The following CACNA2D3 variants were observed in gnomAD, a reference collection of about 807,000 sequenced individuals.
CACNA2D3 encodes calcium voltage-gated channel auxiliary subunit alpha2delta 3.
A neutral mutation model predicts 160.6 loss-of-function variants in CACNA2D3; 60 were observed. The ratio of observed to expected loss-of-function variants is 0.37; its 90% confidence interval spans 0.30 to 0.46. The LOEUF (loss-of-function observed/expected upper bound fraction) is 0.46. Among genes scored for constraint, CACNA2D3 ranks in the 20% least tolerant of loss-of-function variants. The pLI is 1.00. For missense variants in CACNA2D3, 1,205 were observed against 1,365.0 expected (o/e 0.88, Z 1.85); for synonymous variants, 558 against 492.9 (o/e 1.13, Z -1.75).
At chr3:54,784,210 AG>A (rs1235958042) in intron 13 of CACNA2D3, among the ~76,000 whole-genome samples, 5 of 152,232 alleles carry the variant, frequency 3.3e-5, no homozygotes. Flanking sequence ...AAGGCAGGCC[AG>A]GGCAGAGAGG....
chr3:54,249,947 A>G (rs192640667), intron 2 of CACNA2D3, among the ~76,000 whole-genome samples: 1 of 152,232 alleles, frequency 6.6e-6, no homozygotes, highest in African/African-American at 2.4e-5. Context: ...TGGGTGGTGG[A>G]GCACCCAAGA....
chr3:54,828,337 G>A (rs1703788730), intron 14 of CACNA2D3, among the ~76,000 whole-genome samples: 1 of 152,136 alleles, frequency 6.6e-6, no homozygotes. Flanking sequence ...TTAGTCCTGG[G>A]CATTCTTGAA....
chr3:54,686,674 G>T (rs1166872974), intron 11 of CACNA2D3, among the ~76,000 whole-genome samples: 1 of 152,154 alleles, frequency 6.6e-6, no homozygotes, highest in African/African-American at 2.4e-5. Flanking sequence ...GCACAGCTTA[G>T]CAACACTATT....
chr3:55,043,059 C>T (rs1270277267), intron 35 of CACNA2D3, among the ~76,000 whole-genome samples: 1 of 152,112 alleles, frequency 6.6e-6, no homozygotes, highest in Non-Finnish European at 1.5e-5. Context: ...ATAAAACCAC[C>T]ATAAACATTC....
chr3:54,712,055 C>G (rs188880231), intron 11 of CACNA2D3, among the ~76,000 whole-genome samples: 2 of 152,258 alleles, frequency 1.3e-5, no homozygotes, highest in Non-Finnish European at 2.9e-5. Flanking sequence ...CTCTAGACAG[C>G]CTGGTTAAAA....
At chr3:54,410,995 T>C (rs972332342) in intron 4 of CACNA2D3, among the ~76,000 whole-genome samples, 1 of 152,204 alleles carries the variant, frequency 6.6e-6, no homozygotes, top group African/African-American at 2.4e-5. Flanking sequence ...TGGATGTCTT[T>C]GAGGGGTTCA....
intron 13 of CACNA2D3, among the ~76,000 whole-genome samples, chr3:54,815,551 T>G (rs1575491817): frequency 1.3e-5 from 2 of 152,236 alleles, no homozygotes; most frequent in South Asian, 4.1e-4. Context: ...CTAGCACTTC[T>G]GATGTCATAA....
At chr3:54,816,350 G>A (rs1016685482) in intron 13 of CACNA2D3, among the ~76,000 whole-genome samples, 5 of 152,222 alleles carry the variant, frequency 3.3e-5, no homozygotes, top group South Asian at 2.1e-4. Flanking sequence ...TTGTTTTTGT[G>A]GGGGACTGTC....
At chr3:54,626,718 A>C in intron 9 of CACNA2D3, 108 of 713,512 alleles carry the variant, frequency 1.5e-4, no homozygotes, top group East Asian at 2.3e-4. Context: ...AAGAAAGAAA[A>C]AGAAAGGGGT....
Position 54,825,081 on chromosome 3 carries a change from T to C in CACNA2D3, c.1398+8211T>C, listed in dbSNP as rs555259309. On this transcript the variant is annotated intron_variant, in intron 14 of 37. Coordinates refer to ENST00000474759, the MANE Select transcript of CACNA2D3 (RefSeq NM_018398.3). The stretch of plus-strand genomic sequence containing the variant: ...TCTATTTATTTAAATCAAGCACAGT[T>C]ATAAAATATGACTCTTTTAAGGTGC... 5.3e-5 allele frequency among the ~76,000 whole-genome samples: 8 copies of C among 152,312 alleles called. No individual in the cohort carries two copies. The South Asian group carries it at 1.7e-3, about 32-fold the overall frequency.
At chr3:55,038,864 C>CTATATATATG (rs1553636442) in intron 35 of CACNA2D3, among the ~76,000 whole-genome samples, 1 of 99,084 alleles carries the variant, frequency 1.0e-5, no homozygotes, top group Non-Finnish European at 2.0e-5. Context: ...AGCCAGGATG[C>CTATATATATG]TATATATATA....
At chr3:54,418,597 G>C (rs985633863) in intron 4 of CACNA2D3, among the ~76,000 whole-genome samples, 6 of 152,220 alleles carry the variant, frequency 3.9e-5, no homozygotes, top group Non-Finnish European at 5.9e-5. Context: ...GGATGAGGTA[G>C]ATATTCACCT....
At chr3:54,894,584 C>T in intron 25 of CACNA2D3, 1 of 514,732 alleles carries the variant, frequency 1.9e-6, no homozygotes, top group Non-Finnish European at 3.9e-6. Context: ...GACAGGGCAC[C>T]TCTTAGCTGT....
chr3:55,008,154 G>A (rs1370240797), intron 33 of CACNA2D3, among the ~76,000 whole-genome samples: 1 of 152,208 alleles, frequency 6.6e-6, no homozygotes, highest in Non-Finnish European at 1.5e-5. Flanking sequence ...TGCAGCCTGG[G>A]TGGGCTGTGG....
intron 17 of CACNA2D3, among the ~76,000 whole-genome samples, chr3:54,860,903 A>C (rs1056000039): frequency 1.3e-5 from 2 of 152,232 alleles, no homozygotes; most frequent in African/African-American, 2.4e-5. Flanking sequence ...AAATGAGTTA[A>C]TGTTCCTAAA....
intron 2 of CACNA2D3, among the ~76,000 whole-genome samples, chr3:54,167,837 A>G (rs920511333): frequency 1.3e-5 from 2 of 152,364 alleles, no homozygotes; most frequent in South Asian, 4.1e-4. Context: ...TTAAGGGAGC[A>G]TTAGAACAGA....
chr3:54,313,687 G>C (rs951790315), intron 2 of CACNA2D3, among the ~76,000 whole-genome samples: 1 of 151,910 alleles, frequency 6.6e-6, no homozygotes, highest in Non-Finnish European at 1.5e-5. Context: ...CTCCCCTCTG[G>C]ACTTCCCTCC....
chr3:54,352,529 G>C (rs1698581886), intron 3 of CACNA2D3, among the ~76,000 whole-genome samples: 1 of 152,220 alleles, frequency 6.6e-6, no homozygotes, highest in South Asian at 2.1e-4. Flanking sequence ...AAATCAGTGT[G>C]TGGAAAAGTC....
intron 27 of CACNA2D3, among the ~76,000 whole-genome samples, chr3:54,939,305 A>T (rs1262863531): frequency 6.6e-6 from 1 of 152,136 alleles, no homozygotes; most frequent in Non-Finnish European, 1.5e-5. Context: ...GATGAGACTG[A>T]CTCACTTGCC....
Sources: allele counts gnomAD v4.1 joint callset (sites outside exome capture counted in the v4.1 genomes callset), GRCh38; gene constraint gnomAD v4.1.1; transcripts MANE v1.5; gene names NCBI Gene and HGNC (gene_info 2026-07-23, HGNC 2026-07-21).